The following SPOCK3 variants were observed in gnomAD, a reference collection of about 807,000 sequenced individuals.
SPOCK3 encodes the protein testican-3.
In SPOCK3, 30 loss-of-function variants were observed where a neutral mutation model predicts 56.6. That is an observed-to-expected ratio of 0.53 (90% CI 0.40 to 0.72). The LOEUF (loss-of-function observed/expected upper bound fraction) is 0.72, where lower values mean the gene tolerates loss of function less well. SPOCK3 is among the 30% of genes least tolerant of loss of function. The pLI is 0.00. For synonymous variants in SPOCK3, 196 were observed against 183.3 expected, an observed-to-expected ratio of 1.07 and a Z score of -0.56; for missense variants, 527 against 530.0, an observed-to-expected ratio of 0.99 and a Z score of 0.06.
At chr4:166,866,418 A>C (rs1731848308) in intron 6 of SPOCK3, among the ~76,000 whole-genome samples, 1 of 152,232 alleles carries the variant, frequency 6.6e-6, no homozygotes, top group African/African-American at 2.4e-5. Context: ...AGCAAAAGCC[A>C]AAATTGACAA....
In SPOCK3 at chr4:167,205,526, AT is replaced by A. The variant is rs1430633723; in HGVS notation, c.189+28458del. Among the ~76,000 whole-genome samples the A allele has an allele frequency of 7.7e-4, 44 of 57,072 alleles. 1 individual carries two copies. The highest frequency in any genetic ancestry group is 2.7e-3 in the African/African-American group (35 of 12,870). 37.4% of individuals were successfully genotyped at this position (57,072 alleles called of 152,430 possible). A position where few individuals can be genotyped will look rare whatever the true frequency, so the allele number is the denominator to read the frequency against. ...ATATTATATAATATATATTATATAT[AT>A]TATTATATAATATATATTATATAAT... On this transcript the variant is annotated intron_variant, in intron 2 of 10. Transcript: ENST00000357545.
chr4:167,123,583 G>A (rs1024669692), intron 2 of SPOCK3, among the ~76,000 whole-genome samples: 2 of 151,856 alleles, frequency 1.3e-5, no homozygotes, highest in Admixed American at 1.3e-4. Context: ...ATGGTTCTAG[G>A]TTTGACTGTA....
intron 4 of SPOCK3, among the ~76,000 whole-genome samples, chr4:166,948,130 C>T (rs937644987): frequency 2.0e-5 from 3 of 152,134 alleles, no homozygotes; most frequent in Non-Finnish European, 2.9e-5. Context: ...TCTTTCTGTG[C>T]CTGGCTTATT....
chr4:166,970,160 C>T (rs1187026456), intron 4 of SPOCK3, among the ~76,000 whole-genome samples: 1 of 152,152 alleles, frequency 6.6e-6, no homozygotes, highest in African/African-American at 2.4e-5. Context: ...CTGACTCCCC[C>T]ACTTCATCAT....
At chr4:166,818,352 A>C (rs1029571514) in intron 6 of SPOCK3, among the ~76,000 whole-genome samples, 3 of 152,042 alleles carry the variant, frequency 2.0e-5, no homozygotes, top group African/African-American at 7.2e-5. Context: ...AATAAATGTT[A>C]GCTTTTTTAT....
At chr4:166,824,079 C>G (rs967465923) in intron 6 of SPOCK3, among the ~76,000 whole-genome samples, 9 of 152,000 alleles carry the variant, frequency 5.9e-5, no homozygotes, top group African/African-American at 2.2e-4. Context: ...CAGTCCCATT[C>G]CAGTGCGCCT....
chr4:166,785,141 G>T (rs1740598746), intron 7 of SPOCK3, among the ~76,000 whole-genome samples: 1 of 151,940 alleles, frequency 6.6e-6, no homozygotes, highest in Non-Finnish European at 1.5e-5. Flanking sequence ...CTAAATAGTT[G>T]CATTTCCTTC....
chr4:167,212,646 T>C (rs1048281210), intron 2 of SPOCK3, among the ~76,000 whole-genome samples: 79 of 152,314 alleles, frequency 5.2e-4, no homozygotes, highest in African/African-American at 1.8e-3. Context: ...GCTTTGATAA[T>C]AGCACAAGTT....
chr4:166,971,774 G>T (rs981380296), intron 4 of SPOCK3, among the ~76,000 whole-genome samples: 2 of 151,964 alleles, frequency 1.3e-5, no homozygotes, highest in African/African-American at 4.8e-5. Flanking sequence ...GACATTATTA[G>T]CTTCGGCTTA....
intron 4 of SPOCK3, among the ~76,000 whole-genome samples, chr4:166,925,283 A>G (rs1738957203): frequency 6.6e-6 from 1 of 152,128 alleles, no homozygotes; most frequent in South Asian, 2.1e-4. Flanking sequence ...AACCATTCTT[A>G]ATTCTCAGGT....
intron 5 of SPOCK3, among the ~76,000 whole-genome samples, chr4:166,907,874 C>T (rs903772910): frequency 3.3e-5 from 5 of 151,930 alleles, no homozygotes; most frequent in African/African-American, 9.7e-5. Flanking sequence ...TAATATTGAT[C>T]GAGTTGGCAT....
At chr4:167,183,999 C>G (rs1303575011) in intron 2 of SPOCK3, among the ~76,000 whole-genome samples, 3 of 152,098 alleles carry the variant, frequency 2.0e-5, no homozygotes, top group Admixed American at 1.3e-4. Context: ...CATGAGTTAC[C>G]AAGATGCTAA....
intron 9 of SPOCK3, among the ~76,000 whole-genome samples, chr4:166,739,612 G>C (rs1286068147): frequency 1.3e-5 from 2 of 152,004 alleles, no homozygotes; most frequent in Middle Eastern, 3.4e-3. Context: ...CCCTTAATTA[G>C]TAATTTAAAA....
intron 2 of SPOCK3, among the ~76,000 whole-genome samples, chr4:167,110,568 G>T (rs558108072): frequency 3.4e-4 from 52 of 152,060 alleles, no homozygotes; most frequent in African/African-American, 1.2e-3. Flanking sequence ...GAACAAAAAG[G>T]TGATAGGGAA....
At chr4:166,747,672 T>C (rs1165193395) in intron 8 of SPOCK3, among the ~76,000 whole-genome samples, 1 of 152,044 alleles carries the variant, frequency 6.6e-6, no homozygotes, top group African/African-American at 2.4e-5. Context: ...GGATATTCAA[T>C]TAGGAAAAGA....
At chr4:166,821,913 T>C (rs1435143412) in intron 6 of SPOCK3, among the ~76,000 whole-genome samples, 3 of 152,072 alleles carry the variant, frequency 2.0e-5, no homozygotes, top group Non-Finnish European at 4.4e-5. Context: ...AATATAACTG[T>C]TAAAATTGCA....
intron 2 of SPOCK3, among the ~76,000 whole-genome samples, chr4:167,138,014 T>A (rs2150393822): frequency 6.6e-6 from 1 of 151,928 alleles, no homozygotes; most frequent in Non-Finnish European, 1.5e-5. Flanking sequence ...TTAAATAATC[T>A]TAAATTTATT....
chr4:167,063,268 C>G (rs1223549787), intron 2 of SPOCK3, among the ~76,000 whole-genome samples: 1 of 151,704 alleles, frequency 6.6e-6, no homozygotes, highest in Non-Finnish European at 1.5e-5. Flanking sequence ...AAAAGTAAGG[C>G]CAAATAGACT....
chr4:166,971,384 A>G (rs1205813311), intron 4 of SPOCK3, among the ~76,000 whole-genome samples: 1 of 152,188 alleles, frequency 6.6e-6, no homozygotes, highest in South Asian at 2.1e-4. Flanking sequence ...ACATGGGCAA[A>G]GGCAGAAAAA....
Sources: allele counts gnomAD v4.1 joint callset (sites outside exome capture counted in the v4.1 genomes callset), GRCh38; gene constraint gnomAD v4.1.1; transcripts MANE v1.5; gene names NCBI Gene and HGNC (gene_info 2026-07-23, HGNC 2026-07-21).